The following SORCS2 variants were observed in gnomAD, a reference collection of about 807,000 sequenced individuals.
SORCS2 encodes the protein sortilin related VPS10 domain containing receptor 2.
A neutral mutation model predicts 141.6 loss-of-function variants in SORCS2; 100 were observed. That is an observed-to-expected ratio of 0.71 (90% CI 0.60 to 0.83). The LOEUF is 0.83. SORCS2 is among the 40% of genes least tolerant of loss of function. SORCS2 has a pLI of 0.00. For synonymous variants in SORCS2, 789 were observed against 676.9 expected (o/e 1.17, Z -2.57); for missense variants, 1,646 against 1,560.2 (o/e 1.05, Z -0.93).
At chr4:7,625,464 A>G (rs1719456932) in intron 3 of SORCS2, among the ~76,000 whole-genome samples, 1 of 152,014 alleles carries the variant, frequency 6.6e-6, no homozygotes, top group Non-Finnish European at 1.5e-5. Flanking sequence ...TGCCTAGCAC[A>G]GAGCCAGGCA....
intron 1 of SORCS2, among the ~76,000 whole-genome samples, chr4:7,207,828 G>A (rs773697601): frequency 1.1e-4 from 17 of 152,172 alleles, no homozygotes; most frequent in Non-Finnish European, 1.9e-4. Context: ...AGTATTTCTC[G>A]TTGACATCTG....
At chr4:7,578,104 T>C (rs934069114) in intron 3 of SORCS2, among the ~76,000 whole-genome samples, 1 of 152,206 alleles carries the variant, frequency 6.6e-6, no homozygotes, top group African/African-American at 2.4e-5. Context: ...AATAGATTAA[T>C]GTCCTCTCAG....
intron 1 of SORCS2, among the ~76,000 whole-genome samples, chr4:7,335,131 T>C (rs896760790): frequency 2.0e-5 from 3 of 152,198 alleles, no homozygotes; most frequent in Non-Finnish European, 4.4e-5. Flanking sequence ...GCTGGGAATC[T>C]GTGCCGTGGT....
chr4:7,214,978 G>C (rs62289674), intron 1 of SORCS2, among the ~76,000 whole-genome samples: 1 of 151,550 alleles, frequency 6.6e-6, no homozygotes, highest in Non-Finnish European at 1.5e-5. Flanking sequence ...CAGTCCTCAC[G>C]GCCCTCGCTT....
At chr4:7,247,945 C>G (rs1713222475) in intron 1 of SORCS2, among the ~76,000 whole-genome samples, 1 of 152,230 alleles carries the variant, frequency 6.6e-6, no homozygotes, top group South Asian at 2.1e-4. Context: ...CGGGATCCCC[C>G]CAAACTCCTT....
At chr4:7,627,290 G>T (rs922624406) in intron 3 of SORCS2, among the ~76,000 whole-genome samples, 1 of 152,058 alleles carries the variant, frequency 6.6e-6, no homozygotes. Context: ...CAGCCTTTTC[G>T]TGGGTTTTTA....
intron 2 of SORCS2, among the ~76,000 whole-genome samples, chr4:7,525,984 C>A: frequency 7.7e-6 from 1 of 130,170 alleles, no homozygotes; most frequent in East Asian, 2.3e-4. Context: ...CCCCTCCTCA[C>A]ACCTGTCCCC....
At chr4:7,598,946 C>A (rs941091384) in intron 3 of SORCS2, among the ~76,000 whole-genome samples, 4 of 152,198 alleles carry the variant, frequency 2.6e-5, no homozygotes, top group African/African-American at 9.6e-5. Flanking sequence ...CACAGCCTGG[C>A]TGTTGTTTTC....
intron 1 of SORCS2, among the ~76,000 whole-genome samples, chr4:7,353,951 A>G (rs1721101796): frequency 6.6e-6 from 1 of 152,184 alleles, no homozygotes; most frequent in Non-Finnish European, 1.5e-5. Flanking sequence ...CCCGGCAAGA[A>G]GCCCCTCCCT....
chr4:7,212,630 G>T (rs745832933), intron 1 of SORCS2, among the ~76,000 whole-genome samples: 1 of 152,240 alleles, frequency 6.6e-6, no homozygotes, highest in Non-Finnish European at 1.5e-5. Context: ...AAAGAGAGTT[G>T]CTGTTTGTCC....
At chr4:7,375,689 A>C (rs2109056109) in intron 1 of SORCS2, among the ~76,000 whole-genome samples, 1 of 152,246 alleles carries the variant, frequency 6.6e-6, no homozygotes, top group East Asian at 1.9e-4. Context: ...AAAAAGAGAA[A>C]CCAAAACAAA....
At chr4:7,270,969 G>C (rs1428428652) in intron 1 of SORCS2, among the ~76,000 whole-genome samples, 1 of 152,214 alleles carries the variant, frequency 6.6e-6, no homozygotes, top group African/African-American at 2.4e-5. Context: ...GCCCATGCTT[G>C]ATGCTGCTGT....
intron 1 of SORCS2, among the ~76,000 whole-genome samples, chr4:7,289,115 G>A (rs1305834351): frequency 6.6e-6 from 1 of 152,196 alleles, no homozygotes; most frequent in Non-Finnish European, 1.5e-5. Context: ...TCCAGGTGTA[G>A]GTGACATATG....
At chr4:7,564,259 C>T (rs1714805139) in intron 3 of SORCS2, among the ~76,000 whole-genome samples, 1 of 152,230 alleles carries the variant, frequency 6.6e-6, no homozygotes. Context: ...TCTACTTCTC[C>T]AGCCACGCTG....
At chr4:7,555,976 T>A (rs1714075637) in intron 3 of SORCS2, among the ~76,000 whole-genome samples, 1 of 152,200 alleles carries the variant, frequency 6.6e-6, no homozygotes, top group Non-Finnish European at 1.5e-5. Context: ...CTGCAGTGGG[T>A]AAGAGTCCTG....
intron 3 of SORCS2, among the ~76,000 whole-genome samples, chr4:7,611,181 T>G (rs1002724601): frequency 6.6e-6 from 1 of 152,186 alleles, no homozygotes; most frequent in Non-Finnish European, 1.5e-5. Flanking sequence ...TGAAAGACTT[T>G]AGCTGGTAAA....
intron 3 of SORCS2, among the ~76,000 whole-genome samples, chr4:7,602,408 C>G (rs1331394872): frequency 1.3e-5 from 2 of 150,596 alleles, no homozygotes; most frequent in Non-Finnish European, 1.5e-5. Flanking sequence ...ACGGGGCGGC[C>G]GGGCAGAGAC....
At chr4:7,302,767 A>ATGTGTGTGTGTGTGTGTGTGTGTG (rs753375857) in intron 1 of SORCS2, among the ~76,000 whole-genome samples, 6 of 101,606 alleles carry the variant, frequency 5.9e-5, no homozygotes, top group Non-Finnish European at 1.2e-4. Context: ...GACAGTCCAC[A>ATGTGTGTGTGTGTGTGTGTGTGTG]TATGTGTGTG....
intron 2 of SORCS2, chr4:7,434,766 C>G: frequency 1.9e-6 from 3 of 1,612,798 alleles, no homozygotes; most frequent in Non-Finnish European, 1.7e-6. Flanking sequence ...TGGCAGCTGT[C>G]TGCAGATCCT....
Sources: allele counts gnomAD v4.1 joint callset (sites outside exome capture counted in the v4.1 genomes callset), GRCh38; gene constraint gnomAD v4.1.1; transcripts MANE v1.5; gene names NCBI Gene and HGNC (gene_info 2026-07-23, HGNC 2026-07-21).